Variants in PAK5 observed in about 807,000 individuals in gnomAD.
PAK5 encodes serine/threonine-protein kinase PAK 5.
A neutral mutation model predicts 65.9 loss-of-function variants in PAK5; 16 were observed. The ratio of observed to expected loss-of-function variants is 0.24; its 90% confidence interval spans 0.16 to 0.37. The LOEUF is 0.37. Ranked by LOEUF, PAK5 falls within the 10% of genes least tolerant of loss-of-function variation. PAK5 has a pLI of 1.00. For synonymous variants in PAK5, 371 were observed against 354.9 expected (o/e 1.05, Z -0.51); for missense variants, 785 against 903.9 (o/e 0.87, Z 1.69).
intron 2 of PAK5, among the ~76,000 whole-genome samples, chr20:9,644,706 C>T (rs2047110896): frequency 6.6e-6 from 1 of 152,198 alleles, no homozygotes; most frequent in Non-Finnish European, 1.5e-5. Context: ...AAAGATCTCT[C>T]TCTCAGGGAG....
At chr20:9,805,788 A>G (rs1252433821) in intron 1 of PAK5, among the ~76,000 whole-genome samples, 1 of 152,208 alleles carries the variant, frequency 6.6e-6, no homozygotes, top group Non-Finnish European at 1.5e-5. Flanking sequence ...TGGGGATTAT[A>G]GAAAATGTTC....
intron 1 of PAK5, among the ~76,000 whole-genome samples, chr20:9,824,022 G>A (rs779196028): frequency 6.6e-6 from 1 of 152,140 alleles, no homozygotes; most frequent in African/African-American, 2.4e-5. Context: ...AAATGAGATA[G>A]TGTTTACAAA....
chr20:9,575,454 C>T (rs1415404459), intron 4 of PAK5, among the ~76,000 whole-genome samples: 1 of 152,152 alleles, frequency 6.6e-6, no homozygotes, highest in Non-Finnish European at 1.5e-5. Flanking sequence ...GATTATAGAA[C>T]TTGCATTTTT....
At chr20:9,715,103 C>T (rs529362129) in intron 1 of PAK5, among the ~76,000 whole-genome samples, 19 of 152,176 alleles carry the variant, frequency 1.2e-4, no homozygotes, top group Non-Finnish European at 2.2e-4. Flanking sequence ...TCAGAGTGAA[C>T]AGGCAACCTA....
intron 2 of PAK5, among the ~76,000 whole-genome samples, chr20:9,646,015 C>T (rs1044123531): frequency 7.2e-5 from 11 of 152,188 alleles, no homozygotes; most frequent in Non-Finnish European, 1.2e-4. Context: ...GGAAAGGATG[C>T]TTCCTGCTTT....
chr20:9,651,716 GT>G (rs2047205584), intron 2 of PAK5, among the ~76,000 whole-genome samples: 1 of 152,172 alleles, frequency 6.6e-6, no homozygotes, highest in Non-Finnish European at 1.5e-5. Context: ...GGAGGAAGTA[GT>G]TGGCAGGCAG....
intron 3 of PAK5, among the ~76,000 whole-genome samples, chr20:9,596,874 G>A (rs1313784276): frequency 1.3e-5 from 2 of 152,084 alleles, no homozygotes; most frequent in Non-Finnish European, 1.5e-5. Context: ...AATGCCCCAG[G>A]TATCTCCTTA....
chr20:9,808,030 C>T (rs915565283), intron 1 of PAK5, among the ~76,000 whole-genome samples: 2 of 152,030 alleles, frequency 1.3e-5, no homozygotes, highest in Non-Finnish European at 2.9e-5. Context: ...TTTACTCTGA[C>T]AGTAAAACGG....
At chr20:9,809,498 A>G (rs2049273283) in intron 1 of PAK5, among the ~76,000 whole-genome samples, 1 of 152,150 alleles carries the variant, frequency 6.6e-6, no homozygotes, top group South Asian at 2.1e-4. Flanking sequence ...CTGAATGATC[A>G]CACTCAGGCA....
chr20:9,550,344 C>T (rs1292727341), intron 7 of PAK5, among the ~76,000 whole-genome samples: 5 of 152,238 alleles, frequency 3.3e-5, no homozygotes, highest in Non-Finnish European at 7.4e-5. Flanking sequence ...GTCAATCTTG[C>T]TACCTGGTCA....
chr20:9,819,569 T>G (rs79174228), intron 1 of PAK5, among the ~76,000 whole-genome samples: 1 of 146,588 alleles, frequency 6.8e-6, no homozygotes, highest in Non-Finnish European at 1.5e-5. Context: ...TTAAAAAACA[T>G]TTTTTTTTTT....
chr20:9,787,999 G>C (rs1219799077), intron 1 of PAK5, among the ~76,000 whole-genome samples: 1 of 151,458 alleles, frequency 6.6e-6, no homozygotes, highest in Admixed American at 6.6e-5. Flanking sequence ...GGGTATGTGT[G>C]AGTACCCATA....
chr20:9,673,241 T>A (rs1359091886), intron 2 of PAK5, among the ~76,000 whole-genome samples: 1 of 152,102 alleles, frequency 6.6e-6, no homozygotes, highest in Non-Finnish European at 1.5e-5. Context: ...GGGATTCAAA[T>A]TGTGTTTATT....
chr20:9,671,584 T>C (rs534834742), intron 2 of PAK5, among the ~76,000 whole-genome samples: 4 of 151,700 alleles, frequency 2.6e-5, no homozygotes, highest in African/African-American at 9.6e-5. Context: ...TTGTCTGTTA[T>C]TGGTGTATAA....
At chr20:9,681,207 G>A (rs553236586) in intron 2 of PAK5, among the ~76,000 whole-genome samples, 4 of 151,948 alleles carry the variant, frequency 2.6e-5, no homozygotes, top group Admixed American at 6.6e-5. Context: ...TAGCTGTATC[G>A]GCTTTTTAAT....
In PAK5 at chr20:9,703,504, G is replaced by A. The variant is rs2223563; in HGVS notation, c.-12+7782C>T. ...AGGGGATTGAGGCCCTGTGTTTTGG[G>A]TTAAAAGGTTGCCAGGTGGAAGTTA... On this transcript the variant is annotated intron_variant, in intron 2 of 9. Transcript: ENST00000353224. Among the ~76,000 whole-genome samples the A allele has an allele frequency of 6.1e-3, 926 of 152,250 alleles. 16 individuals are homozygous for A. Among genetic ancestry groups the A allele is most frequent in the African/African-American group, 0.021 (882 of 41,550 alleles).
At chr20:9,793,490 A>G (rs77718472) in intron 1 of PAK5, among the ~76,000 whole-genome samples, 4 of 152,092 alleles carry the variant, frequency 2.6e-5, no homozygotes, top group African/African-American at 9.7e-5. Context: ...ACAAGAATTC[A>G]TATCCTTTGC....
intron 1 of PAK5, among the ~76,000 whole-genome samples, chr20:9,753,318 C>T (rs531705074): frequency 7.2e-5 from 11 of 152,206 alleles, no homozygotes; most frequent in African/African-American, 2.6e-4. Flanking sequence ...AGAAAGTTTG[C>T]ATTTGTTTTT....
At chr20:9,690,801 C>T (rs1428722824) in intron 2 of PAK5, among the ~76,000 whole-genome samples, 1 of 135,514 alleles carries the variant, frequency 7.4e-6, no homozygotes, top group Non-Finnish European at 1.5e-5. Context: ...GTTGCCAAGG[C>T]TGGAGTGCAA....
Sources: allele counts gnomAD v4.1 joint callset (sites outside exome capture counted in the v4.1 genomes callset), GRCh38; gene constraint gnomAD v4.1.1; transcripts MANE v1.5; gene names NCBI Gene and HGNC (gene_info 2026-07-23, HGNC 2026-07-21).